Variants in SCAF11 observed in about 807,000 individuals in gnomAD.
SCAF11 encodes the protein SR-related CTD associated factor 11.
A neutral mutation model predicts 140.5 loss-of-function variants in SCAF11; 47 were observed. The observed-to-expected ratio is 0.33, with a 90% confidence interval of 0.26 to 0.43. The LOEUF (loss-of-function observed/expected upper bound fraction) is 0.43, where lower values mean the gene tolerates loss of function less well. Ranked by LOEUF, SCAF11 falls within the 20% of genes least tolerant of loss-of-function variation. The probability of loss-of-function intolerance (pLI) is 1.00; values close to 1 mark genes in which losing one functional copy is unlikely to be tolerated. For missense variants in SCAF11, 1,645 were observed against 1,705.1 expected, an observed-to-expected ratio of 0.96 and a Z score of 0.62; for synonymous variants, 557 against 579.4, an observed-to-expected ratio of 0.96 and a Z score of 0.55.
At chr12:45,951,880 A>G in intron 3 of SCAF11, 153 bp from the exon 4 acceptor site, 2 of 522,482 alleles carry the variant, frequency 3.8e-6, no homozygotes, top group Admixed American at 3.2e-5. Flanking sequence ...TCATTCAAAC[A>G]TTTACTGAAT....
At position 45,919,306 on chromosome 12, in the gene SCAF11, C is replaced by T. The variant is rs887319331; in HGVS notation, c.*2742G>A. Reference sequence around the variant, plus strand: ...TTTTGGATGGAACATTCCAGCAGTACACACTGTGGCCATTTAAAGGAAGGT... The same window carrying T: ...TTTTGGATGGAACATTCCAGCAGTATACACTGTGGCCATTTAAAGGAAGGT... On this transcript the variant is annotated 3_prime_UTR_variant, in exon 15 of 15. Coordinates refer to ENST00000369367, the MANE Select transcript of SCAF11 (RefSeq NM_004719.3). 6.6e-6 allele frequency: 1 copy of T among 152,374 alleles called. No homozygotes were observed. Among genetic ancestry groups the T allele is most frequent in the East Asian group, 1.9e-4 (1 of 5,198 alleles). The allele number at this position is 152,374 out of a possible 1,614,324, so 9.4% of individuals were successfully genotyped here.
rs182448645 is a variant in SCAF11, at chr12:45,990,203, C to A, written c.-22+150G>T. The A allele has an allele frequency of 4.5e-3, 5,002 of 1,117,918 alleles. 21 individuals carry two copies. The highest frequency in any genetic ancestry group is 4.8e-3 in the Non-Finnish European group (4,285 of 886,490). 69.2% of individuals were successfully genotyped at this position (1,117,918 alleles called of 1,614,324 possible). A position where few individuals can be genotyped will look rare whatever the true frequency, so the allele number is the denominator to read the frequency against. On this transcript the variant is annotated intron_variant, in intron 1 of 14. Coordinates refer to ENST00000369367, the MANE Select transcript of SCAF11 (RefSeq NM_004719.3). ...TAGCTCCAACTTTCCTCCCAGCGCACGACGTCGCACGGGCCGCGCGAGATT... is the reference window on the plus strand; with the variant it reads ...TAGCTCCAACTTTCCTCCCAGCGCAAGACGTCGCACGGGCCGCGCGAGATT...
chr12:45,924,826 T>C lies in SCAF11; in HGVS notation c.3808A>G (p.Thr1270Ala), dbSNP rs1323408075. ...GVPLMQVATP[T>A]SVSQGLPPPP... ...GGTGGTAGTCCCTGAGATACACTGG[T>C]AGGAGTGGCTACCTGCATGAGGGGC... Residue 1270 changes from threonine to alanine, a missense_variant, in exon 12 of 15, where the codon ACC becomes GCC. This residue lies in a region of SCAF11 where 1,582 missense variants were observed against 1,609.2 expected (regional missense o/e 0.98). Coordinates refer to ENST00000369367, the MANE Select transcript of SCAF11 (RefSeq NM_004719.3). 1.2e-6 allele frequency: 2 copies of C among 1,613,898 alleles called. No homozygotes were observed. The highest frequency in any genetic ancestry group is 2.7e-5 in the African/African-American group (2 of 74,890).
chr12:45,938,181 A>T (rs1281435828), intron 6 of SCAF11, among the ~76,000 whole-genome samples: 1 of 152,068 alleles, frequency 6.6e-6, no homozygotes, highest in Admixed American at 6.5e-5. Context: ...TGTGGCTTAA[A>T]CTTTGTGGCT....
At position 45,927,382 on chromosome 12, in the gene SCAF11, T is replaced by C. The variant is rs1393842097; in HGVS notation, c.2319A>G (p.Pro773=). 6.2e-7 allele frequency: 1 copy of C among 1,614,176 alleles called. No homozygotes were observed. Among genetic ancestry groups the C allele is most frequent in the Non-Finnish European group, 8.5e-7 (1 of 1,180,018 alleles). ...ADEKVETVSQ[P]SESPKDTIDK... ...CTATGGTATCTTTTGGGCTTTCAGA[T>C]GGTTGAGAAACAGTTTCAACCTTTT... Residue 773 remains proline, a synonymous_variant, in exon 11 of 15, where the codon CCA becomes CCG. Transcript: ENST00000369367.
chr12:45,931,906 AT>A (rs970930790), intron 9 of SCAF11, among the ~76,000 whole-genome samples: 8 of 152,148 alleles, frequency 5.3e-5, no homozygotes, highest in African/African-American at 1.9e-4. Flanking sequence ...TTTATGTAGT[AT>A]TTTGTCAAGA....
At chr12:45,941,867 T>G (rs1280342605) in intron 6 of SCAF11, among the ~76,000 whole-genome samples, 1 of 152,230 alleles carries the variant, frequency 6.6e-6, no homozygotes, top group Admixed American at 6.5e-5. Flanking sequence ...AAAGTTACAC[T>G]GAGTGTGCTT....
chr12:45,929,042 T>G (rs2136513985), intron 10 of SCAF11, 183 bp from the exon 11 acceptor site: 1 of 375,760 alleles, frequency 2.7e-6, no homozygotes, highest in Non-Finnish European at 4.6e-6. Flanking sequence ...TCAACTTTCT[T>G]AATGACACTG....
At chr12:45,939,955 G>T (rs1017285388) in intron 6 of SCAF11, among the ~76,000 whole-genome samples, 1 of 152,130 alleles carries the variant, frequency 6.6e-6, no homozygotes, top group African/African-American at 2.4e-5. Flanking sequence ...TTTGTCTCTT[G>T]GTTCCTTGCT....
At position 45,923,124 on chromosome 12, in the gene SCAF11, T is replaced by C. The variant is rs749138636; in HGVS notation, c.3937A>G (p.Asn1313Asp). 4 of 1,613,972 alleles carry C rather than the reference T, an allele frequency of 2.5e-6. No homozygotes were observed. The highest frequency in any genetic ancestry group is 3.3e-5 in the Admixed American group (2 of 60,024). Reference sequence around the variant, plus strand: ...GCAGGCAAAACTGGTGTACTCATGTTATTACTTACATGAGAAGAACTAGGA... The same window carrying C: ...GCAGGCAAAACTGGTGTACTCATGTCATTACTTACATGAGAAGAACTAGGA... ...GIPSSSHVSN[N>D]MSTPVLPAPT... is the part of the protein sequence containing the mutation. Residue 1313 changes from asparagine (N) to aspartate (D), a missense_variant, in exon 13 of 15, where the codon AAC becomes GAC. Physicochemically the swap from Asn to Asp is conservative, Grantham distance 23. Coordinates refer to ENST00000369367, the MANE Select transcript of SCAF11 (RefSeq NM_004719.3).
intron 1 of SCAF11, among the ~76,000 whole-genome samples, chr12:45,984,687 C>A (rs1004714622): frequency 3.3e-5 from 5 of 149,342 alleles, no homozygotes; most frequent in African/African-American, 1.2e-4. Flanking sequence ...ACTTGCTCTT[C>A]GCACTTCCTT....
intron 1 of SCAF11, among the ~76,000 whole-genome samples, chr12:45,984,234 T>C (rs1475853253): frequency 6.6e-6 from 1 of 152,246 alleles, no homozygotes; most frequent in Non-Finnish European, 1.5e-5. Context: ...ACCTTGTTTG[T>C]ACTCCTTAAA....
intron 1 of SCAF11, among the ~76,000 whole-genome samples, chr12:45,987,579 A>G (rs1946486146): frequency 6.6e-6 from 1 of 152,250 alleles, no homozygotes; most frequent in Non-Finnish European, 1.5e-5. Flanking sequence ...TAGCATAAAA[A>G]CAGATACAAA....
chr12:45,930,571 CCAGAA>C (rs1945019774), intron 10 of SCAF11, among the ~76,000 whole-genome samples: 1 of 150,482 alleles, frequency 6.6e-6, no homozygotes, highest in East Asian at 2.0e-4. Flanking sequence ...CTTGAGTACA[CCAGAA>C]TAGCAACAGG....
At chr12:45,966,661 T>C (rs1308142954) in intron 1 of SCAF11, among the ~76,000 whole-genome samples, 1 of 152,058 alleles carries the variant, frequency 6.6e-6, no homozygotes, top group Non-Finnish European at 1.5e-5. Context: ...TATCATCCAG[T>C]GCTTCCAGGC....
At chr12:45,976,094 G>A (rs1026478113) in intron 1 of SCAF11, among the ~76,000 whole-genome samples, 1 of 152,058 alleles carries the variant, frequency 6.6e-6, no homozygotes, top group African/African-American at 2.4e-5. Context: ...AATAAAAAGA[G>A]GTATGCCTAT....
chr12:45,977,373 A>G (rs1212870101), intron 1 of SCAF11, among the ~76,000 whole-genome samples: 1 of 152,046 alleles, frequency 6.6e-6, no homozygotes, highest in Non-Finnish European at 1.5e-5. Context: ...CTAGAATTGC[A>G]TTTACATGCA....
At chr12:45,960,530 CAGAG>C (rs1253282537) in intron 3 of SCAF11, 4 of 152,202 alleles carry the variant, frequency 2.6e-5, no homozygotes, top group African/African-American at 2.4e-5. Flanking sequence ...TGATCCTACA[CAGAG>C]AGAGATTTAC....
At chr12:45,972,931 T>TATAG (rs1555171437) in intron 1 of SCAF11, among the ~76,000 whole-genome samples, 3 of 76,224 alleles carry the variant, frequency 3.9e-5, no homozygotes, top group South Asian at 3.2e-4. Context: ...GATATATAGA[T>TATAG]ATATATAGAT....
Sources: allele counts gnomAD v4.1 joint callset (sites outside exome capture counted in the v4.1 genomes callset), GRCh38; gene constraint gnomAD v4.1.1; regional missense constraint gnomAD v4.1.1; transcripts MANE v1.5; gene names NCBI Gene and HGNC (gene_info 2026-07-23, HGNC 2026-07-21).